The following GPR149 variants were observed in gnomAD, a reference collection of about 807,000 sequenced individuals.
The protein encoded by GPR149 is G protein-coupled receptor 149, also known as probable G protein-coupled receptor 149.
Under a neutral mutation model 50.2 loss-of-function variants are expected in GPR149, and 50 were observed. The observed-to-expected ratio is 1.00, with a 90% CI of 0.79 to 1.26. GPR149 has a LOEUF of 1.26. Ranked by LOEUF, GPR149 falls within the 50% of genes most tolerant of loss-of-function variation. GPR149 has a pLI of 0.00. For missense variants in GPR149, 983 were observed against 895.4 expected (o/e 1.10, Z -1.25); for synonymous variants, 405 against 358.2 (o/e 1.13, Z -1.48).
At chr3:154,345,746 A>C (rs1713911381) in intron 3 of GPR149, among the ~76,000 whole-genome samples, 1 of 152,194 alleles carries the variant, frequency 6.6e-6, no homozygotes, top group Non-Finnish European at 1.5e-5. Context: ...GTTGCAGCAA[A>C]ATTTTCTCCT....
At chr3:154,413,487 G>A (rs911793823) in intron 3 of GPR149, among the ~76,000 whole-genome samples, 11 of 151,830 alleles carry the variant, frequency 7.2e-5, no homozygotes, top group African/African-American at 2.4e-4. Context: ...CCAAAAAGTG[G>A]GCTAAGGATT....
At chr3:154,355,108 A>G (rs567576208) in intron 3 of GPR149, among the ~76,000 whole-genome samples, 8 of 152,174 alleles carry the variant, frequency 5.3e-5, no homozygotes, top group African/African-American at 1.7e-4. Context: ...GCTCACTGCA[A>G]CCTCTGCCTC....
At chr3:154,403,947 A>C (rs1711611468) in intron 3 of GPR149, among the ~76,000 whole-genome samples, 1 of 152,194 alleles carries the variant, frequency 6.6e-6, no homozygotes. Context: ...CACCTGAGGA[A>C]TGAAGTTTTA....
At chr3:154,413,352 AG>A (rs1711894608) in intron 3 of GPR149, among the ~76,000 whole-genome samples, 1 of 152,102 alleles carries the variant, frequency 6.6e-6, no homozygotes, top group Admixed American at 6.6e-5. Context: ...AATAATCAGC[AG>A]AGTTAACAGA....
At chr3:154,423,316 C>A (rs932343665) in intron 2 of GPR149, among the ~76,000 whole-genome samples, 46 of 151,768 alleles carry the variant, frequency 3.0e-4, no homozygotes, top group Admixed American at 2.2e-3. Flanking sequence ...GGGTGACAGA[C>A]GAAAGCTACT....
intron 3 of GPR149, among the ~76,000 whole-genome samples, chr3:154,369,326 T>C (rs1162416533): frequency 3.3e-5 from 5 of 152,202 alleles, no homozygotes; most frequent in Non-Finnish European, 5.9e-5. Context: ...AAAGTATTAA[T>C]TATAACACCC....
intron 3 of GPR149, among the ~76,000 whole-genome samples, chr3:154,351,223 A>G (rs1417481891): frequency 6.7e-6 from 1 of 148,526 alleles, no homozygotes; most frequent in African/African-American, 2.5e-5. Flanking sequence ...AATATACCCA[A>G]CTGACTTTTT....
At chr3:154,342,784 G>T (rs1043983270) in intron 3 of GPR149, among the ~76,000 whole-genome samples, 2 of 151,874 alleles carry the variant, frequency 1.3e-5, no homozygotes, top group African/African-American at 4.8e-5. Context: ...AACATAAACA[G>T]AAAAAAACCC....
Position 154,421,369 on chromosome 3 carries a change from C to T in GPR149, c.1293G>A (p.Met431Ile). The change falls in exon 3 of 4, where the codon ATG becomes ATA. Residue 431 changes from methionine (M) to isoleucine (I), a missense_variant. By Grantham distance (10) the Met-to-Ile change is conservative (BLOSUM62 1). Coordinates refer to ENST00000389740, the MANE Select transcript of GPR149 (RefSeq NM_001038705.3). ...CTTTTGTAGTTTCACACTCAGAGTT[C>T]ATCAGGTTGTGATAGAATATGGAAT... ...DENSIFYHNL[M>I]NSECETTKDP... 6.2e-7 allele frequency: 1 copy of T among 1,612,768 alleles called. No individual in the cohort carries two copies. The highest frequency in any genetic ancestry group is 8.5e-7 in the Non-Finnish European group (1 of 1,179,140).
intron 3 of GPR149, among the ~76,000 whole-genome samples, chr3:154,377,458 G>T (rs552917807): frequency 2.0e-5 from 3 of 151,288 alleles, no homozygotes; most frequent in Admixed American, 1.3e-4. Context: ...CCTCCACCTC[G>T]TGGGTTCAAA....
chr3:154,427,475 A>C, intron 2 of GPR149, 41 bp downstream of exon 2: 2 of 1,538,298 alleles, frequency 1.3e-6, no homozygotes, highest in South Asian at 1.3e-5. Flanking sequence ...AAAGTCACCT[A>C]ATGCATATTG....
At chr3:154,401,449 C>G (rs1711547674) in intron 3 of GPR149, among the ~76,000 whole-genome samples, 1 of 152,178 alleles carries the variant, frequency 6.6e-6, no homozygotes. Context: ...CTGACAGCTT[C>G]ATCTCACAGA....
chr3:154,417,788 C>T (rs1375841603), intron 3 of GPR149, among the ~76,000 whole-genome samples: 1 of 152,034 alleles, frequency 6.6e-6, no homozygotes, highest in African/African-American at 2.4e-5. Flanking sequence ...TCATTCACTT[C>T]CATGTAATAT....
rs774930727 is a variant in GPR149, at chr3:154,428,623, C to G, written c.981+12G>C. 25 of 1,606,118 alleles carry G rather than the reference C, an allele frequency of 1.6e-5. No homozygotes were observed. Among genetic ancestry groups the G allele is most frequent in the Non-Finnish European group, 2.1e-5 (25 of 1,176,060 alleles). On this transcript the variant is annotated intron_variant, in intron 1 of 3. Transcript: ENST00000389740. ...ACACACACTCGCGCTTTGTGAGCAA[C>G]TGCACTTTTACCATCATGGGCAGCC... is the stretch of plus-strand genomic sequence containing the variant.
At position 154,337,770 on chromosome 3, in the gene GPR149, C is replaced by T. The variant is rs199563574; in HGVS notation, c.2125G>A (p.Gly709Ser). ...AACAACTGGATTTCCTCCTGGTAGC[C>T]ATCCCTCTCTTGATGCTGCCTTTTA... The part of the protein sequence containing the change: ...NSKRQHQERD[G>S]YQEEIQLLNK... Residue 709 changes from glycine (G) to serine (S), a missense_variant, in exon 4 of 4, where the codon GGC becomes AGC. Coordinates refer to ENST00000389740, the MANE Select transcript of GPR149 (RefSeq NM_001038705.3). The T allele has an allele frequency of 2.5e-6, 4 of 1,613,352 alleles. No individual in the cohort carries two copies. The highest frequency in any genetic ancestry group is 1.7e-4 in the Middle Eastern group (1 of 6,050).
At chr3:154,354,311 A>G in intron 3 of GPR149, 1 of 309,820 alleles carries the variant, frequency 3.2e-6, no homozygotes, top group South Asian at 3.5e-5. Context: ...TAAGGGAAGT[A>G]CAGGTCTATA....
intron 3 of GPR149, among the ~76,000 whole-genome samples, chr3:154,382,667 TTA>T (rs550911921): frequency 5.5e-4 from 84 of 152,330 alleles, no homozygotes; most frequent in African/African-American, 1.9e-3. Context: ...TTTAGTTTTC[TTA>T]TGAGTATGAG....
chr3:154,368,881 C>A (rs1714599857), intron 3 of GPR149, among the ~76,000 whole-genome samples: 2 of 152,198 alleles, frequency 1.3e-5, no homozygotes, highest in South Asian at 4.1e-4. Flanking sequence ...TCAGTGGTGC[C>A]CCAGACCCGG....
At chr3:154,357,593 C>A (rs1205118303) in intron 3 of GPR149, among the ~76,000 whole-genome samples, 1 of 152,114 alleles carries the variant, frequency 6.6e-6, no homozygotes, top group Non-Finnish European at 1.5e-5. Flanking sequence ...CAATGAGATA[C>A]CATCTCACAC....
Sources: allele counts gnomAD v4.1 joint callset (sites outside exome capture counted in the v4.1 genomes callset), GRCh38; gene constraint gnomAD v4.1.1; transcripts MANE v1.5; gene names NCBI Gene and HGNC (gene_info 2026-07-23, HGNC 2026-07-21).